Variants in NEBL observed in about 807,000 individuals in gnomAD.
NEBL encodes nebulette.
Under a neutral mutation model 140.2 loss-of-function variants are expected in NEBL, and 122 were observed. The ratio of observed to expected loss-of-function variants is 0.87; its 90% CI spans 0.75 to 1.01. The LOEUF (loss-of-function observed/expected upper bound fraction) is 1.01. Ranked by LOEUF, NEBL falls within the 50% of genes least tolerant of loss-of-function variation. The probability of loss-of-function intolerance (pLI) is 0.00; values close to 1 mark genes in which losing one functional copy is unlikely to be tolerated. For synonymous variants in NEBL, 436 were observed against 398.9 expected (o/e 1.09, Z -1.11); for missense variants, 1,365 against 1,231.3 (o/e 1.11, Z -1.62).
intron 1 of NEBL, among the ~76,000 whole-genome samples, chr10:21,270,670 T>C (rs1842851014): frequency 6.6e-6 from 1 of 152,138 alleles, no homozygotes; most frequent in South Asian, 2.1e-4. Flanking sequence ...GCCCAGCCCA[T>C]AATTTTTAAA....
intron 4 of NEBL, among the ~76,000 whole-genome samples, chr10:20,929,185 C>T (rs1017992703): frequency 2.6e-5 from 4 of 151,886 alleles, no homozygotes; most frequent in East Asian, 3.9e-4. Flanking sequence ...CAGTACTATT[C>T]GCAATAGCAA....
At chr10:21,126,427 T>C (rs932971170) in intron 2 of NEBL, among the ~76,000 whole-genome samples, 3 of 152,186 alleles carry the variant, frequency 2.0e-5, no homozygotes, top group Non-Finnish European at 4.4e-5. Context: ...AAGCATTCCA[T>C]ATTTTCAAAT....
intron 2 of NEBL, among the ~76,000 whole-genome samples, chr10:21,158,512 G>A (rs888374985): frequency 7.9e-5 from 12 of 152,128 alleles, no homozygotes; most frequent in Non-Finnish European, 1.6e-4. Context: ...TGTAGGTGAG[G>A]AAACCGAGGG....
intron 3 of NEBL, among the ~76,000 whole-genome samples, chr10:21,210,080 G>C (rs1841892441): frequency 6.6e-6 from 1 of 152,136 alleles, no homozygotes; most frequent in South Asian, 2.1e-4. Flanking sequence ...TTGAAGCAAG[G>C]TTTCTGTTCC....
At chr10:21,171,074 G>A (rs1321321898) in intron 2 of NEBL, among the ~76,000 whole-genome samples, 1 of 152,114 alleles carries the variant, frequency 6.6e-6, no homozygotes. Flanking sequence ...GGTGGCTCAC[G>A]CCGGTAATTC....
intron 3 of NEBL, among the ~76,000 whole-genome samples, chr10:20,986,406 T>C (rs970995232): frequency 2.0e-5 from 3 of 152,196 alleles, no homozygotes; most frequent in African/African-American, 7.2e-5. Flanking sequence ...TCGCTTCCCT[T>C]CAAAATTCCC....
chr10:21,147,174 T>A (rs1344556060), intron 2 of NEBL, among the ~76,000 whole-genome samples: 1 of 152,122 alleles, frequency 6.6e-6, no homozygotes, highest in Non-Finnish European at 1.5e-5. Context: ...TCCACGCACA[T>A]CTTCCCCAAA....
At chr10:21,057,326 A>T (rs1835067693) in intron 2 of NEBL, among the ~76,000 whole-genome samples, 1 of 151,940 alleles carries the variant, frequency 6.6e-6, no homozygotes, top group African/African-American at 2.4e-5. Flanking sequence ...TAGCAGGGAG[A>T]TGCAGCATCT....
At chr10:21,179,338 C>T (rs1219949560), upstream of NEBL, among the ~76,000 whole-genome samples, 4 of 152,158 alleles carry the variant, frequency 2.6e-5, no homozygotes, top group African/African-American at 4.8e-5. Context: ...ATCAGTTTTC[C>T]CTTTGAGATA....
intron 3 of NEBL, among the ~76,000 whole-genome samples, chr10:21,220,079 A>AT (rs1842045875): frequency 6.6e-6 from 1 of 151,606 alleles, no homozygotes; most frequent in Non-Finnish European, 1.5e-5. Context: ...TGCCTGGCTA[A>AT]TTTTTGTATT....
chr10:20,914,777 T>A (rs983494915), intron 4 of NEBL, among the ~76,000 whole-genome samples: 17 of 152,124 alleles, frequency 1.1e-4, no homozygotes, highest in Admixed American at 1.1e-3. Flanking sequence ...TTTCAAATAA[T>A]TGAGACAATT....
intron 3 of NEBL, among the ~76,000 whole-genome samples, chr10:20,981,056 C>T (rs1393510211): frequency 6.6e-6 from 1 of 152,118 alleles, no homozygotes; most frequent in Non-Finnish European, 1.5e-5. Context: ...TCACAAAGTG[C>T]AGTGATTATA....
At chr10:20,788,413 T>A (rs562886334) in intron 26 of NEBL, among the ~76,000 whole-genome samples, 1 of 152,280 alleles carries the variant, frequency 6.6e-6, no homozygotes, top group South Asian at 2.1e-4. Flanking sequence ...AAGATTTAAT[T>A]CTGAGTGTTA....
At chr10:20,848,299 T>C (rs1842143583) in intron 11 of NEBL, among the ~76,000 whole-genome samples, 1 of 152,314 alleles carries the variant, frequency 6.6e-6, no homozygotes, top group South Asian at 2.1e-4. Context: ...TCTAGGGAAA[T>C]TTATTCCATT....
At chr10:21,202,236 T>C (rs1270029906) in intron 3 of NEBL, among the ~76,000 whole-genome samples, 1 of 152,148 alleles carries the variant, frequency 6.6e-6, no homozygotes, top group Non-Finnish European at 1.5e-5. Context: ...ATAGGTAATT[T>C]TAAAAATGAG....
At chr10:21,172,123 T>C (rs1841099889) in intron 2 of NEBL, 2 of 479,030 alleles carry the variant, frequency 4.2e-6, no homozygotes, top group African/African-American at 1.9e-5. Flanking sequence ...TTCTAATAAG[T>C]GTCCCTAAGG....
chr10:20,885,143 T>G (rs1229054819), intron 4 of NEBL, among the ~76,000 whole-genome samples: 1 of 152,226 alleles, frequency 6.6e-6, no homozygotes, highest in Non-Finnish European at 1.5e-5. Context: ...ATTTCTGAAT[T>G]CATCCAATAC....
At chr10:20,932,478 G>C (rs765177295) in intron 4 of NEBL, among the ~76,000 whole-genome samples, 6 of 152,006 alleles carry the variant, frequency 3.9e-5, no homozygotes, top group Non-Finnish European at 8.8e-5. Context: ...ATGTATGAAG[G>C]GCTTAAAATC....
At chr10:21,196,323 T>TTATA (rs1270861772) in intron 3 of NEBL, among the ~76,000 whole-genome samples, 8 of 146,886 alleles carry the variant, frequency 5.4e-5, no homozygotes, top group African/African-American at 1.5e-4. Flanking sequence ...TTTTATTTAT[T>TTATA]TATTTATTTA....
Sources: allele counts gnomAD v4.1 joint callset (sites outside exome capture counted in the v4.1 genomes callset), GRCh38; gene constraint gnomAD v4.1.1; transcripts MANE v1.5; gene names NCBI Gene and HGNC (gene_info 2026-07-23, HGNC 2026-07-21).